Variants in TAF1A observed in about 807,000 individuals in gnomAD.
The protein encoded by TAF1A is TATA box-binding protein-associated factor RNA polymerase I subunit A.
TAF1A carries 42 observed loss-of-function variants against 61.6 expected under a neutral mutation model. That is an observed-to-expected ratio of 0.68 (90% CI 0.53 to 0.88). The LOEUF (loss-of-function observed/expected upper bound fraction) is 0.88, where lower values mean the gene tolerates loss of function less well. TAF1A is among the 40% of genes least tolerant of loss of function. The probability of loss-of-function intolerance (pLI) is 0.00; values close to 1 mark genes in which losing one functional copy is unlikely to be tolerated. For synonymous variants in TAF1A, 179 were observed against 177.7 expected, an observed-to-expected ratio of 1.01 and a Z score of -0.06; for missense variants, 424 against 518.7, an observed-to-expected ratio of 0.82 and a Z score of 1.77.
In TAF1A at chr1:222,584,280, T is replaced by C; in HGVS notation, c.139A>G (p.Arg47Gly). The C allele has an allele frequency of 6.2e-7, 1 of 1,601,532 alleles. No individual in the cohort carries two copies. Among genetic ancestry groups the C allele is most frequent in the Admixed American group, 1.8e-5 (1 of 56,760 alleles). Reference protein sequence around the residue: ...VETVAIGGKRRKDFAQTTSAC... With the variant: ...VETVAIGGKRGKDFAQTTSAC... Reference sequence around the variant, plus strand: ...CTTGTTGTCTGAGCAAAATCCTTCCTCCTTTTCCCTCCAATGGCTATAAAA... The same window carrying C: ...CTTGTTGTCTGAGCAAAATCCTTCCCCCTTTTCCCTCCAATGGCTATAAAA... Residue 47 changes from arginine (R) to glycine (G), a missense_variant, in exon 3 of 11, where the codon AGG becomes GGG. Transcript: ENST00000352967.
intron 3 of TAF1A, among the ~76,000 whole-genome samples, chr1:222,580,753 A>C (rs1660752944): frequency 6.8e-6 from 1 of 147,418 alleles, no homozygotes; most frequent in Non-Finnish European, 1.5e-5. Flanking sequence ...GGGTAAATGC[A>C]GGGGGGGAAG....
downstream of TAF1A, among the ~76,000 whole-genome samples, chr1:222,557,002 T>A (rs976005088): frequency 6.6e-6 from 1 of 152,250 alleles, no homozygotes; most frequent in African/African-American, 2.4e-5. Context: ...TCATTTTACA[T>A]GTACTTTCTA....
intron 7 of TAF1A, among the ~76,000 whole-genome samples, chr1:222,564,734 T>C (rs1660053346): frequency 6.6e-6 from 1 of 152,228 alleles, no homozygotes; most frequent in African/African-American, 2.4e-5. Flanking sequence ...AGTAAAGCTG[T>C]ATTTTTCATT....
At chr1:222,579,393 G>A (rs1429752427) in intron 4 of TAF1A, among the ~76,000 whole-genome samples, 7 of 152,122 alleles carry the variant, frequency 4.6e-5, no homozygotes, top group African/African-American at 7.2e-5. Flanking sequence ...ATATTTTCAC[G>A]TATTTAAATT....
At chr1:222,579,923 T>C (rs746404798) in intron 3 of TAF1A, 51 bp from the exon 4 acceptor site, 1 of 1,575,930 alleles carries the variant, frequency 6.3e-7, no homozygotes, top group Non-Finnish European at 8.6e-7. Flanking sequence ...CCTTAACCAA[T>C]TTCTGTCTAA....
Position 222,584,131 on chromosome 1 carries a change from A to G in TAF1A, c.288T>C (p.Pro96=). The G allele has an allele frequency of 6.2e-7, 1 of 1,608,380 alleles. No individual in the cohort carries two copies. The highest frequency in any genetic ancestry group is 8.5e-7 in the Non-Finnish European group (1 of 1,178,522). Residue 96 remains proline, a synonymous_variant, in exon 3 of 11, where the codon CCT becomes CCC. Transcript: ENST00000352967. The part of the protein sequence containing the change: ...DSDSYKRQAA[P]EIIWKLGSEI... ...AGCAAACTCAAATTTTATTTACCTC[A>G]GGTGCAGCCTGCCTTTTGTAGCTAT...
At chr1:222,568,370 A>G (rs1031260981) in intron 7 of TAF1A, among the ~76,000 whole-genome samples, 2 of 152,278 alleles carry the variant, frequency 1.3e-5, no homozygotes, top group Admixed American at 6.5e-5. Context: ...ATTCATAATT[A>G]ATATTCTTCA....
rs79797053 is a variant in TAF1A at position 222,558,683 on chromosome 1, T to C, written c.1330A>G (p.Ser444Gly). Residue 444 changes from serine to glycine, a missense_variant, in exon 11 of 11, where the codon AGT (serine) becomes GGT (glycine). By Grantham distance (56) the Ser-to-Gly change is moderately conservative. Coordinates refer to ENST00000352967, the MANE Select transcript of TAF1A (RefSeq NM_005681.4). ...TATCAGAGTCTTGGATTTACAATAC[T>C]GTATTTTTTCACAGATCTCTTCATC... ...KRMKRSVKKYSIVNPRL is the reference protein window; with the variant it reads ...KRMKRSVKKYGIVNPRL The C allele has an allele frequency of 1.9e-6, 3 of 1,567,492 alleles. No individual in the cohort carries two copies. Among genetic ancestry groups the C allele is most frequent in the African/African-American group, 2.7e-5 (2 of 73,640 alleles).
intron 5 of TAF1A, among the ~76,000 whole-genome samples, chr1:222,572,357 C>A (rs905510459): frequency 1.3e-5 from 2 of 151,910 alleles, no homozygotes; most frequent in Admixed American, 1.3e-4. Context: ...AACTAATTTT[C>A]TTTTGTGTGT....
intron 5 of TAF1A, among the ~76,000 whole-genome samples, 178 bp from the exon 6 acceptor site, chr1:222,570,843 G>A (rs562240683): frequency 2.4e-4 from 37 of 152,238 alleles, no homozygotes; most frequent in African/African-American, 8.7e-4. Flanking sequence ...AAAAAGGACA[G>A]AAAAGAATAC....
chr1:222,577,743 T>C (rs1462513441), intron 4 of TAF1A, 100 bp from the exon 5 acceptor site: 15 of 1,068,232 alleles, frequency 1.4e-5, no homozygotes, highest in Non-Finnish European at 2.1e-5. Flanking sequence ...AAGACCTTGG[T>C]AGGATACAAA....
Position 222,558,644 on chromosome 1 carries a change from T to C in TAF1A, c.*16A>G. On this transcript the variant is annotated 3_prime_UTR_variant, in exon 11 of 11. Coordinates refer to ENST00000352967, the MANE Select transcript of TAF1A (RefSeq NM_005681.4). ...TTACTGTGTAGCTACAACTGTGAAA[T>C]AACTAAAATTCAGTATCAGAGTCTT... 2.2e-6 allele frequency: 3 copies of C among 1,372,202 alleles called. No individual in the cohort carries two copies. The highest frequency in any genetic ancestry group is 3.0e-6 in the Non-Finnish European group (3 of 1,002,520). The allele number at this position is 1,372,202 out of a possible 1,614,324, so 85.0% of individuals were successfully genotyped here.
At chr1:222,569,735 A>G in intron 6 of TAF1A, 67 bp from the exon 7 acceptor site, 1 of 1,415,668 alleles carries the variant, frequency 7.1e-7, no homozygotes, top group South Asian at 1.4e-5. Flanking sequence ...AATAATACAC[A>G]GCATAAGTTT....
intron 5 of TAF1A, among the ~76,000 whole-genome samples, chr1:222,571,421 G>C (rs1660345914): frequency 6.6e-6 from 1 of 152,010 alleles, no homozygotes; most frequent in African/African-American, 2.4e-5. Context: ...ATCCAAGATT[G>C]GAAAGGAAGA....
rs900604044 is a variant in TAF1A, at chr1:222,568,259, G to GA, written c.894+1250dup. ...TAGACAAAAAGCACTAACCATAAAAGAAAAAAAAATGTACAAACTGAACAT... is the reference window on the plus strand; with the variant it reads ...TAGACAAAAAGCACTAACCATAAAAGAAAAAAAAAATGTACAAACTGAACAT... On this transcript the variant is annotated intron_variant, in intron 7 of 10. Coordinates refer to ENST00000352967, the MANE Select transcript of TAF1A (RefSeq NM_005681.4). Among the ~76,000 whole-genome samples, 14 of 143,742 alleles carry GA rather than the reference G, an allele frequency of 9.7e-5. No individual in the cohort carries two copies. In the East Asian group the frequency reaches 2.4e-3, roughly 25 times the overall value. 94.3% of individuals were successfully genotyped at this position (143,742 alleles called of 152,430 possible). A position where few individuals can be genotyped will look rare whatever the true frequency, so the allele number is the denominator to read the frequency against.
chr1:222,556,222 C>A (rs540130642), downstream of TAF1A, among the ~76,000 whole-genome samples: 1 of 152,304 alleles, frequency 6.6e-6, no homozygotes, highest in Admixed American at 6.5e-5. Flanking sequence ...GCCCTGTGCC[C>A]TGTTTTGTCT....
intron 9 of TAF1A, among the ~76,000 whole-genome samples, chr1:222,562,456 G>A (rs1366513445): frequency 6.6e-6 from 1 of 152,114 alleles, no homozygotes; most frequent in East Asian, 1.9e-4. Context: ...CAGTGAGTGC[G>A]TCAACATATG....
At chr1:222,583,426 G>A (rs187220396) in intron 3 of TAF1A, among the ~76,000 whole-genome samples, 25 of 148,834 alleles carry the variant, frequency 1.7e-4, no homozygotes, top group African/African-American at 3.0e-4. Flanking sequence ...TTGATAAAAC[G>A]AAAAAAAAAA....
At chr1:222,557,369 C>A (rs1659743295), downstream of TAF1A, among the ~76,000 whole-genome samples, 2 of 152,164 alleles carry the variant, frequency 1.3e-5, no homozygotes, top group South Asian at 4.1e-4. Context: ...GACTCAGGGA[C>A]ACTATCCCAC....
Sources: allele counts gnomAD v4.1 joint callset (sites outside exome capture counted in the v4.1 genomes callset), GRCh38; gene constraint gnomAD v4.1.1; transcripts MANE v1.5; gene names NCBI Gene and HGNC (gene_info 2026-07-23, HGNC 2026-07-21).